The following ZNF277 variants were observed in gnomAD, a reference collection of about 807,000 sequenced individuals.
ZNF277 encodes nuclear receptor-interacting factor 4.
In ZNF277, 55 loss-of-function variants were observed where a neutral mutation model predicts 60.7. That is an observed-to-expected ratio of 0.91 (90% CI 0.73 to 1.13). The LOEUF is 1.13. Ranked by LOEUF, ZNF277 falls within the 50% of genes most tolerant of loss-of-function variation. ZNF277 has a pLI of 0.00. For missense variants in ZNF277, 510 were observed against 523.0 expected (o/e 0.98, Z 0.24); for synonymous variants, 178 against 179.3 (o/e 0.99, Z 0.06).
At chr7:112,287,578 G>A (rs1792103537) in intron 2 of ZNF277, 1 of 149,650 alleles carries the variant, frequency 6.7e-6, no homozygotes. Flanking sequence ...CCAGGCTGGA[G>A]TGCAGTGGCA....
At position 112,332,070 on chromosome 7, in the gene ZNF277, A is replaced by G. The variant is rs528275761; in HGVS notation, c.801+1854A>G. On this transcript the variant is annotated intron_variant, in intron 7 of 11. Coordinates refer to ENST00000361822, the MANE Select transcript of ZNF277 (RefSeq NM_021994.3). The stretch of plus-strand genomic sequence containing the variant: ...ATCTGCCAGGGCCAGCCATCTCTGG[A>G]TGAGCATGGCAGATTGTGCTGCTCA... Among the ~76,000 whole-genome samples the G allele has an allele frequency of 2.6e-3, 401 of 152,338 alleles. 3 individuals are homozygous for G. Among genetic ancestry groups the G allele is most frequent in the Admixed American group, 4.1e-3 (63 of 15,304 alleles).
chr7:112,338,221 G>C (rs1045877712), intron 9 of ZNF277, among the ~76,000 whole-genome samples: 3 of 152,208 alleles, frequency 2.0e-5, no homozygotes, highest in African/African-American at 7.2e-5. Flanking sequence ...TGGGTAGAGA[G>C]GAGCTAGGGC....
rs770241066 is a variant in ZNF277 at position 112,337,713 on chromosome 7, C to A, written c.870-17C>A. Reference sequence around the variant, plus strand: ...TGAAGGGAATCTCCGTATTTTCTCTCCTCTTTTTTAATTCAGTGACTGGTC... The same window carrying A: ...TGAAGGGAATCTCCGTATTTTCTCTACTCTTTTTTAATTCAGTGACTGGTC... On this transcript the variant is annotated splice_polypyrimidine_tract_variant and intron_variant, in intron 8 of 11. Coordinates refer to ENST00000361822, the MANE Select transcript of ZNF277 (RefSeq NM_021994.3). 10 of 1,605,438 alleles carry A rather than the reference C, an allele frequency of 6.2e-6. No homozygotes were observed.
intron 4 of ZNF277, among the ~76,000 whole-genome samples, chr7:112,308,274 G>C (rs1036254198): frequency 2.0e-5 from 3 of 152,006 alleles, no homozygotes; most frequent in African/African-American, 7.2e-5. Context: ...CCAGCACTTT[G>C]GGAGGCGAGG....
intron 1 of ZNF277, among the ~76,000 whole-genome samples, chr7:112,227,110 T>C (rs1822195526): frequency 6.6e-6 from 1 of 152,228 alleles, no homozygotes; most frequent in East Asian, 1.9e-4. Context: ...AATACGTTAG[T>C]GAATCAGACT....
intron 1 of ZNF277, among the ~76,000 whole-genome samples, chr7:112,217,565 C>T (rs1006957669): frequency 2.0e-5 from 3 of 152,252 alleles, no homozygotes; most frequent in South Asian, 4.1e-4. Flanking sequence ...TCCAAGCTGC[C>T]GGTGTTCATT....
chr7:112,259,377 T>A (rs1465386477), intron 1 of ZNF277, among the ~76,000 whole-genome samples: 1 of 152,156 alleles, frequency 6.6e-6, no homozygotes, highest in Non-Finnish European at 1.5e-5. Context: ...CCTAACTAAT[T>A]AGCATAAGAG....
At chr7:112,272,163 A>G (rs1252535143) in intron 1 of ZNF277, among the ~76,000 whole-genome samples, 1 of 152,148 alleles carries the variant, frequency 6.6e-6, no homozygotes, top group Non-Finnish European at 1.5e-5. Flanking sequence ...TAGCTCCCAC[A>G]AATAAGGGAG....
intron 2 of ZNF277, among the ~76,000 whole-genome samples, chr7:112,294,205 G>T (rs949216843): frequency 3.9e-5 from 6 of 152,134 alleles, no homozygotes; most frequent in Admixed American, 2.6e-4. Context: ...CCATGGGGTG[G>T]TGGGGAAAGC....
At chr7:112,282,820 G>T (rs754217890) in intron 1 of ZNF277, among the ~76,000 whole-genome samples, 1 of 152,164 alleles carries the variant, frequency 6.6e-6, no homozygotes, top group Non-Finnish European at 1.5e-5. Flanking sequence ...TCAAACCCTG[G>T]CTTCATCACT....
rs544003052 is a variant in ZNF277, at chr7:112,322,776, T to C, written c.557+4503T>C. 5.6e-4 allele frequency among the ~76,000 whole-genome samples: 86 copies of C among 152,248 alleles called. 1 individual carries two copies. Among genetic ancestry groups the C allele is most frequent in the Non-Finnish European group, 9.9e-4 (67 of 68,002 alleles). ...CCCATGTATGTAGAGGAAAGTTTCT[T>C]ATTTCTTTGTATGTCTTGTAATTTT... is the stretch of plus-strand genomic sequence containing the variant. On this transcript the variant is annotated intron_variant, in intron 5 of 11. Transcript: ENST00000361822.
rs1294087645 is a variant in ZNF277 at position 112,277,121 on chromosome 7, T to TC, written c.92-9751dup. On this transcript the variant is annotated intron_variant, in intron 1 of 11. Transcript: ENST00000361822. Reference sequence around the variant, plus strand: ...TTTTTTGAGACAGAGTCTCCCTCTGTCGCCCAGGCTGGAGTGCAGTGGCAC... The same window carrying TC: ...TTTTTTGAGACAGAGTCTCCCTCTGTCCGCCCAGGCTGGAGTGCAGTGGCAC... Among the ~76,000 whole-genome samples, 18 of 142,724 alleles carry TC rather than the reference T, an allele frequency of 1.3e-4. 1 individual carries two copies. The Admixed American group carries it at 1.3e-3, about 10-fold the overall frequency. The allele number at this position is 142,724 out of a possible 152,430, so 93.6% of individuals were successfully genotyped here.
chr7:112,289,814 TC>T (rs141624541), intron 2 of ZNF277, among the ~76,000 whole-genome samples: 8,902 of 152,190 alleles, frequency 0.058, 322 homozygotes, highest in East Asian at 0.11. Flanking sequence ...AACCTCCACC[TC>T]CCTGGCTCAA....
chr7:112,333,910 C>T (rs6978927), intron 7 of ZNF277, among the ~76,000 whole-genome samples: 30,284 of 152,128 alleles, frequency 0.2, 3,621 homozygotes, highest in African/African-American at 0.33. Context: ...CAGAGGGCAA[C>T]AGACTGTTTA....
chr7:112,258,692 G>A (rs1791377748), intron 1 of ZNF277, among the ~76,000 whole-genome samples: 1 of 151,902 alleles, frequency 6.6e-6, no homozygotes, highest in Non-Finnish European at 1.5e-5. Context: ...TTGTCAAGAT[G>A]GGCAAGCCTG....
chr7:112,273,094 C>G (rs1413539168), intron 1 of ZNF277, among the ~76,000 whole-genome samples: 1 of 152,188 alleles, frequency 6.6e-6, no homozygotes, highest in Non-Finnish European at 1.5e-5. Flanking sequence ...ACATGCTCCC[C>G]ACATCCGCTG....
intron 10 of ZNF277, among the ~76,000 whole-genome samples, chr7:112,340,416 A>G (rs1358121605): frequency 2.6e-5 from 4 of 152,244 alleles, no homozygotes; most frequent in Non-Finnish European, 4.4e-5. Flanking sequence ...CTGACTTGCT[A>G]ATAGATCTAA....
chr7:112,252,573 A>C (rs942053720), intron 1 of ZNF277, among the ~76,000 whole-genome samples: 4 of 152,156 alleles, frequency 2.6e-5, no homozygotes, highest in Admixed American at 2.6e-4. Context: ...CCAATTCCTG[A>C]AAAGGAATTC....
intron 5 of ZNF277, among the ~76,000 whole-genome samples, chr7:112,322,401 C>T (rs963605125): frequency 1.3e-5 from 2 of 151,896 alleles, no homozygotes; most frequent in African/African-American, 4.8e-5. Context: ...TTTGACCAAT[C>T]TTCAAATTCA....
Sources: gnomAD v4.1 joint callset for allele counts (sites outside exome capture counted in the v4.1 genomes callset) on GRCh38, gnomAD v4.1.1 for gene constraint, MANE v1.5 for transcripts, NCBI Gene and HGNC (gene_info 2026-07-23, HGNC 2026-07-21) for gene names.